The following WDR72 variants were observed in gnomAD, a reference collection of about 807,000 sequenced individuals.
The protein encoded by WDR72 is WD repeat domain 72, also known as WD repeat-containing protein 72.
Under a neutral mutation model 124.2 loss-of-function variants are expected in WDR72, and 120 were observed. The ratio of observed to expected loss-of-function variants is 0.97; its 90% CI spans 0.83 to 1.12. The LOEUF (loss-of-function observed/expected upper bound fraction) is 1.12, where lower values mean the gene tolerates loss of function less well. Ranked by LOEUF, WDR72 falls within the 50% of genes most tolerant of loss-of-function variation. WDR72 has a pLI of 0.00. For synonymous variants in WDR72, 452 were observed against 441.7 expected (o/e 1.02, Z -0.29); for missense variants, 1,387 against 1,278.8 (o/e 1.08, Z -1.29).
chr15:53,598,534 C>G (rs999531566), intron 17 of WDR72, among the ~76,000 whole-genome samples: 2 of 152,008 alleles, frequency 1.3e-5, no homozygotes, highest in Non-Finnish European at 2.9e-5. Flanking sequence ...CTTCAGGTCC[C>G]AGGGACATCC....
intron 14 of WDR72, among the ~76,000 whole-genome samples, chr15:53,622,210 A>C (rs1025282910): frequency 1.3e-5 from 2 of 152,222 alleles, no homozygotes; most frequent in African/African-American, 4.8e-5. Context: ...TGAGGAAGAC[A>C]CTGTAGCGAT....
chr15:53,557,456 C>T (rs1028124664), intron 18 of WDR72, among the ~76,000 whole-genome samples: 1 of 152,042 alleles, frequency 6.6e-6, no homozygotes. Context: ...TCTCAAACAC[C>T]ACATTCAAAA....
intron 18 of WDR72, among the ~76,000 whole-genome samples, chr15:53,529,525 C>T (rs1011075168): frequency 6.6e-6 from 1 of 151,980 alleles, no homozygotes; most frequent in Non-Finnish European, 1.5e-5. Context: ...AGTGTTGGAA[C>T]TAATGAGGAC....
At chr15:53,721,998 CT>C (rs1198063479) in intron 3 of WDR72, among the ~76,000 whole-genome samples, 1 of 151,598 alleles carries the variant, frequency 6.6e-6, no homozygotes, top group African/African-American at 2.4e-5. Context: ...TAATTGAGTC[CT>C]CTCCTCTGTG....
intron 18 of WDR72, among the ~76,000 whole-genome samples, chr15:53,524,296 A>T (rs764866493): frequency 5.3e-5 from 8 of 152,174 alleles, no homozygotes; most frequent in East Asian, 1.9e-4. Context: ...TACTGATTTG[A>T]TAACACATGC....
intron 13 of WDR72, among the ~76,000 whole-genome samples, chr15:53,682,514 A>AT (rs201461548): frequency 3.3e-5 from 5 of 151,462 alleles, no homozygotes; most frequent in South Asian, 2.1e-4. Context: ...TTTTGCTCTG[A>AT]TTTTTTTTTC....
intron 13 of WDR72, among the ~76,000 whole-genome samples, chr15:53,695,704 G>A (rs1380872929): frequency 6.6e-6 from 1 of 151,988 alleles, no homozygotes; most frequent in African/African-American, 2.4e-5. Context: ...GTCCACCTAC[G>A]ACCCCAAAAT....
intron 13 of WDR72, among the ~76,000 whole-genome samples, chr15:53,669,865 C>T (rs2015927913): frequency 6.6e-6 from 1 of 152,180 alleles, no homozygotes; most frequent in South Asian, 2.1e-4. Flanking sequence ...TACAAAATTG[C>T]TTAATTCAAC....
rs759503260 is a variant in WDR72, at chr15:53,705,149, G to C, written c.1187C>G (p.Ser396Cys). Residue 396 changes from serine to cysteine, a missense_variant, in exon 11 of 20, where the codon TCT becomes TGT. Ser to Cys is a moderately radical substitution (Grantham distance 112). Coordinates refer to ENST00000360509, the MANE Select transcript of WDR72 (RefSeq NM_182758.4). ...TMSQSIIDYF[S>C]GLKDGAGTAV... ...AGTTCCTGCCCCATCTTTAAGCCCA[G>C]AGAAATAGTCAATAATACTTTGTGA... 8 of 1,614,034 alleles carry C rather than the reference G, an allele frequency of 5.0e-6. No homozygotes were observed. In the South Asian group the frequency reaches 7.7e-5, roughly 16 times the overall value.
At chr15:53,659,968 C>T (rs2015554883) in intron 14 of WDR72, among the ~76,000 whole-genome samples, 1 of 151,760 alleles carries the variant, frequency 6.6e-6, no homozygotes, top group Admixed American at 6.6e-5. Context: ...AATCTTAATC[C>T]AATGTTTACA....
rs141700032 is a variant in WDR72, at chr15:53,725,231, A to T, written c.154-2323T>A. On this transcript the variant is annotated intron_variant, in intron 2 of 19. Transcript: ENST00000360509. ...GCTCCATATCGTATGTCATAAGAGA[A>T]GTGCAAATTAAAAAACAATGAGAAA... 8.1e-3 allele frequency among the ~76,000 whole-genome samples: 1,231 copies of T among 152,202 alleles called. 6 individuals are homozygous for T. Among genetic ancestry groups the T allele is most frequent in the Middle Eastern group, 0.02 (6 of 294 alleles).
At position 53,516,558 on chromosome 15, in the gene WDR72, TC is replaced by T. The variant is rs1460928850; in HGVS notation, c.*1140del. The stretch of plus-strand genomic sequence containing the variant: ...AATTATATAGTTCTCTTTTCTAATT[TC>T]CCCCTCTCCTGTCCACTGCATCCCA... On this transcript the variant is annotated 3_prime_UTR_variant, in exon 20 of 20. Transcript: ENST00000360509. 2.0e-5 allele frequency: 3 copies of T among 151,996 alleles called. No individual in the cohort carries two copies. The highest frequency in any genetic ancestry group is 6.6e-5 in the Admixed American group (1 of 15,236). The allele number at this position is 151,996 out of a possible 1,614,324, so 9.4% of individuals were successfully genotyped here. A position where few individuals can be genotyped will look rare whatever the true frequency, so the allele number is the denominator to read the frequency against.
intron 6 of WDR72, among the ~76,000 whole-genome samples, chr15:53,714,181 C>CTCTGTG (rs1555427299): frequency 3.3e-5 from 5 of 150,334 alleles, no homozygotes; most frequent in Admixed American, 2.0e-4. Context: ...TGTAATCTTT[C>CTCTGTG]TGTGTGTGTG....
chr15:53,746,660 G>A (rs1382971344), intron 1 of WDR72, among the ~76,000 whole-genome samples: 1 of 152,018 alleles, frequency 6.6e-6, no homozygotes. Context: ...GTACTGTGAG[G>A]GGCAAAGATG....
chr15:53,514,769 A>T lies in WDR72; in HGVS notation c.*2930T>A, dbSNP rs1344286109. 1 of 151,946 alleles carries T rather than the reference A, an allele frequency of 6.6e-6. No homozygotes were observed. The highest frequency in any genetic ancestry group is 2.4e-5 in the African/African-American group (1 of 41,396). 9.4% of individuals were successfully genotyped at this position (151,946 alleles called of 1,614,324 possible). A position where few individuals can be genotyped will look rare whatever the true frequency, so the allele number is the denominator to read the frequency against. On this transcript the variant is annotated 3_prime_UTR_variant, in exon 20 of 20. Transcript: ENST00000360509. Reference sequence around the variant, plus strand: ...TTTAATAGTGCTCACATTGCTTTCTAGCACCTCTGGATGAGCCCTGTGAGA... The same window carrying T: ...TTTAATAGTGCTCACATTGCTTTCTTGCACCTCTGGATGAGCCCTGTGAGA...
intron 18 of WDR72, among the ~76,000 whole-genome samples, chr15:53,590,994 C>T (rs186117514): frequency 6.6e-6 from 1 of 152,070 alleles, no homozygotes; most frequent in African/African-American, 2.4e-5. Flanking sequence ...CTCATTCATG[C>T]ATTTCTTAGT....
At chr15:53,541,488 T>A (rs1893132271) in intron 18 of WDR72, among the ~76,000 whole-genome samples, 1 of 149,790 alleles carries the variant, frequency 6.7e-6, no homozygotes, top group African/African-American at 2.5e-5. Flanking sequence ...CAAAAACTCA[T>A]CTGTACCTCA....
rs1218314665 is a variant in WDR72 at position 53,685,790 on chromosome 15, A to T, written c.1765+13960T>A. 2.2e-4 allele frequency among the ~76,000 whole-genome samples: 33 copies of T among 148,820 alleles called. 1 individual carries two copies. Among genetic ancestry groups the T allele is most frequent in the African/African-American group, 8.1e-4 (32 of 39,716 alleles). ...TCACCAAAGTTGAAATGAGGAAAAA[A>T]TGTTAAGGGCAGCCAGAGAGAAAGG... On this transcript the variant is annotated intron_variant, in intron 13 of 19. Transcript: ENST00000360509.
chr15:53,730,793 A>G (rs2018178736), intron 2 of WDR72, among the ~76,000 whole-genome samples: 1 of 152,046 alleles, frequency 6.6e-6, no homozygotes, highest in Non-Finnish European at 1.5e-5. Context: ...ACATTTTTTA[A>G]ACAAAAATAA....
Sources: gnomAD v4.1 joint callset for allele counts (sites outside exome capture counted in the v4.1 genomes callset) on GRCh38, gnomAD v4.1.1 for gene constraint, MANE v1.5 for transcripts, NCBI Gene and HGNC (gene_info 2026-07-23, HGNC 2026-07-21) for gene names.